The following CWF19L2 variants were observed in gnomAD, a reference collection of about 807,000 sequenced individuals.
CWF19L2 encodes the protein CWF19-like protein 2.
In CWF19L2, 98 loss-of-function variants were observed where a neutral mutation model predicts 111.7. The observed-to-expected ratio is 0.88, with a 90% CI of 0.75 to 1.04. CWF19L2 has a LOEUF of 1.04. Among genes scored for constraint, CWF19L2 ranks in the 50% least tolerant of loss-of-function variants. The probability of loss-of-function intolerance (pLI) is 0.00; values close to 1 mark genes in which losing one functional copy is unlikely to be tolerated. For missense variants in CWF19L2, 1,101 were observed against 1,051.4 expected (o/e 1.05, Z -0.65); for synonymous variants, 351 against 342.9 (o/e 1.02, Z -0.26).
chr11:107,360,408 A>C (rs761288391), intron 12 of CWF19L2, among the ~76,000 whole-genome samples: 3 of 152,230 alleles, frequency 2.0e-5, no homozygotes, highest in Non-Finnish European at 2.9e-5. Context: ...GGTTGATTAC[A>C]TTATCTTTAA....
intron 13 of CWF19L2, among the ~76,000 whole-genome samples, chr11:107,352,722 C>T (rs1860174451): frequency 6.6e-6 from 1 of 151,920 alleles, no homozygotes; most frequent in South Asian, 2.1e-4. Context: ...GAAAATAAAT[C>T]AAAAGAAGCC....
intron 9 of CWF19L2, among the ~76,000 whole-genome samples, chr11:107,417,836 T>C (rs1861249147): frequency 6.6e-6 from 1 of 151,908 alleles, no homozygotes; most frequent in Non-Finnish European, 1.5e-5. Context: ...CTTGGCTCAC[T>C]GCAATCTCCG....
rs938474192 is a variant in CWF19L2 at position 107,395,232 on chromosome 11, C to A, written c.1618-2337G>T. ...TTTTAAAAACGGGAATTTCTCCACA[C>A]AAGCTCTCTCTTTCCCTGCTGCCAT... On this transcript the variant is annotated intron_variant, in intron 10 of 17. Transcript: ENST00000282251. 1.8e-4 allele frequency among the ~76,000 whole-genome samples: 28 copies of A among 152,296 alleles called. No individual in the cohort carries two copies. The Middle Eastern group carries it at 0.017, about 93-fold the overall frequency.
At chr11:107,425,363 T>C (rs529523446) in intron 8 of CWF19L2, among the ~76,000 whole-genome samples, 11 of 152,048 alleles carry the variant, frequency 7.2e-5, no homozygotes, top group African/African-American at 2.6e-4. Flanking sequence ...ATTATAATGC[T>C]GTATTATTAC....
chr11:107,433,014 A>G (rs1861486166), intron 7 of CWF19L2, among the ~76,000 whole-genome samples: 1 of 152,174 alleles, frequency 6.6e-6, no homozygotes, highest in African/African-American at 2.4e-5. Context: ...CTATGTGTAC[A>G]TTATTAAGTT....
intron 12 of CWF19L2, among the ~76,000 whole-genome samples, chr11:107,355,415 C>CA (rs5794543): frequency 4.2e-4 from 59 of 141,540 alleles, no homozygotes; most frequent in Middle Eastern, 3.5e-3. Flanking sequence ...AACTCCGTCT[C>CA]AAAAAAAAAA....
chr11:107,389,556 T>C (rs1860818201), intron 12 of CWF19L2, among the ~76,000 whole-genome samples: 1 of 152,168 alleles, frequency 6.6e-6, no homozygotes, highest in South Asian at 2.1e-4. Flanking sequence ...CAACAAAGAA[T>C]GCTATTTGAA....
chr11:107,416,420 A>G (rs1861227669), intron 9 of CWF19L2, 122 bp from the exon 10 acceptor site: 2 of 380,786 alleles, frequency 5.3e-6, no homozygotes, highest in East Asian at 4.1e-5. Flanking sequence ...GCCTTCATCT[A>G]ATTTCAATTA....
chr11:107,395,327 C>A (rs879611865), intron 10 of CWF19L2, among the ~76,000 whole-genome samples: 1 of 152,224 alleles, frequency 6.6e-6, no homozygotes. Context: ...CCATGTGGAA[C>A]TGTAAGTCCA....
intron 12 of CWF19L2, among the ~76,000 whole-genome samples, chr11:107,356,871 C>T (rs1306753527): frequency 1.3e-5 from 2 of 152,050 alleles, no homozygotes; most frequent in Non-Finnish European, 2.9e-5. Flanking sequence ...AACCCTGTCT[C>T]TACTAAAAAT....
chr11:107,337,888 T>C (rs921457458), intron 14 of CWF19L2, among the ~76,000 whole-genome samples: 1 of 152,102 alleles, frequency 6.6e-6, no homozygotes, highest in Non-Finnish European at 1.5e-5. Flanking sequence ...CATGTAGTTA[T>C]AAGAAATAAT....
chr11:107,337,626 G>T (rs1302290238), intron 14 of CWF19L2, among the ~76,000 whole-genome samples: 4 of 152,064 alleles, frequency 2.6e-5, no homozygotes. Flanking sequence ...AGCTGTCTAA[G>T]AATTCTGGAT....
chr11:107,441,636 AG>A lies in CWF19L2; in HGVS notation c.451-15del, dbSNP rs1473798622. 3 of 1,512,182 alleles carry A rather than the reference AG, an allele frequency of 2.0e-6. No individual in the cohort carries two copies. Among genetic ancestry groups the A allele is most frequent in the Non-Finnish European group, 2.6e-6 (3 of 1,134,672 alleles). 93.7% of individuals were successfully genotyped at this position (1,512,182 alleles called of 1,614,324 possible). A position where few individuals can be genotyped will look rare whatever the true frequency, so the allele number is the denominator to read the frequency against. ...CCACTCATCCCTCTGTTAAAAAAAA[AG>A]ACATAAAATCAACAGTCATCCACTC... On this transcript the variant is annotated splice_polypyrimidine_tract_variant and intron_variant, in intron 4 of 17. Transcript: ENST00000282251.
chr11:107,422,663 A>G (rs1000405016), intron 8 of CWF19L2, among the ~76,000 whole-genome samples: 5 of 152,044 alleles, frequency 3.3e-5, no homozygotes, highest in African/African-American at 1.2e-4. Context: ...AATATAAAGG[A>G]TATATCTGGT....
chr11:107,367,221 T>C (rs1420910643), intron 12 of CWF19L2, among the ~76,000 whole-genome samples: 1 of 132,414 alleles, frequency 7.6e-6, no homozygotes, highest in Non-Finnish European at 1.6e-5. Flanking sequence ...ACTTTTACAC[T>C]GTTGGTGGGA....
intron 12 of CWF19L2, among the ~76,000 whole-genome samples, chr11:107,380,046 CAAAAAAAAAAAA>C (rs66699460): frequency 2.0e-3 from 68 of 34,492 alleles, no homozygotes; most frequent in African/African-American, 7.0e-3. Flanking sequence ...GACACCGTCT[CAAAAAAAAAAAA>C]AAAAAAAAAA....
intron 12 of CWF19L2, among the ~76,000 whole-genome samples, chr11:107,357,402 C>G (rs1860254451): frequency 6.6e-6 from 1 of 152,230 alleles, no homozygotes; most frequent in South Asian, 2.1e-4. Flanking sequence ...GAGCACAATA[C>G]ACATTTATAC....
chr11:107,359,034 T>A (rs565794034), intron 12 of CWF19L2, among the ~76,000 whole-genome samples: 20 of 151,548 alleles, frequency 1.3e-4, no homozygotes, highest in Non-Finnish European at 2.2e-4. Context: ...ACTCCTATCA[T>A]CGTCTCAAAG....
chr11:107,429,213 C>A lies in CWF19L2; in HGVS notation c.1019G>T (p.Arg340Ile). The A allele has an allele frequency of 6.2e-7, 1 of 1,612,868 alleles. No homozygotes were observed. The change falls in exon 8 of 18, where the codon AGA becomes ATA. Residue 340 changes from arginine to isoleucine, a missense_variant. Physicochemically the swap from Arg to Ile is moderately conservative, Grantham distance 97. Transcript: ENST00000282251. ...EKFIGDEKDK[R>I]PGSLETCRRE... Reference sequence around the variant, plus strand: ...TCTACACGTTTCTAAAGACCCAGGTCTCTTATCTTTTTCATCACCAATAAA... The same window carrying A: ...TCTACACGTTTCTAAAGACCCAGGTATCTTATCTTTTTCATCACCAATAAA...
Sources: allele counts gnomAD v4.1 joint callset (sites outside exome capture counted in the v4.1 genomes callset), GRCh38; gene constraint gnomAD v4.1.1; transcripts MANE v1.5; gene names NCBI Gene and HGNC (gene_info 2026-07-23, HGNC 2026-07-21).